DPP6: variants seen among roughly 807,000 people sequenced by gnomAD.
DPP6 encodes the protein dipeptidyl peptidase like 6.
A neutral mutation model predicts 122.6 loss-of-function variants in DPP6; 69 were observed. That is an observed-to-expected ratio of 0.56 (90% CI 0.46 to 0.69). The LOEUF (loss-of-function observed/expected upper bound fraction) is 0.69. Among genes scored for constraint, DPP6 ranks in the 30% least tolerant of loss-of-function variants. DPP6 has a pLI of 0.00. For missense variants in DPP6, 928 were observed against 1,116.9 expected (o/e 0.83, Z 2.41); for synonymous variants, 418 against 433.1 (o/e 0.97, Z 0.43).
chr7:154,439,563 C>A (rs1225643864), intron 1 of DPP6, among the ~76,000 whole-genome samples: 7 of 152,202 alleles, frequency 4.6e-5, no homozygotes, highest in Non-Finnish European at 2.9e-5. Flanking sequence ...ATAAAAGAAT[C>A]TATCAGACCC....
At chr7:154,378,850 A>T (rs1345213370) in intron 1 of DPP6, among the ~76,000 whole-genome samples, 2 of 152,176 alleles carry the variant, frequency 1.3e-5, no homozygotes, top group Non-Finnish European at 2.9e-5. Flanking sequence ...GGAGGCAGGA[A>T]AGAGAGCGAG....
intron 1 of DPP6, among the ~76,000 whole-genome samples, chr7:154,330,760 G>A (rs147695531): frequency 1.8e-4 from 27 of 152,316 alleles, no homozygotes; most frequent in Admixed American, 3.9e-4. Context: ...GCAAGAAGTC[G>A]CCTGCGGTGT....
chr7:153,853,446 A>T, the DPP6 span, among the ~76,000 whole-genome samples: 3 of 152,196 alleles, frequency 2.0e-5, no homozygotes, highest in African/African-American at 4.8e-5. Context: ...TACTCCCTTG[A>T]ACTAGAAACC....
intron 16 of DPP6, among the ~76,000 whole-genome samples, chr7:154,822,429 G>A (rs942205220): frequency 1.3e-5 from 2 of 152,126 alleles, no homozygotes; most frequent in South Asian, 4.2e-4. Flanking sequence ...CTATTCAGAG[G>A]CCTCCACCCT....
chr7:154,747,933 G>A lies in DPP6; in HGVS notation c.883+20046G>A, dbSNP rs185313397. On this transcript the variant is annotated intron_variant, in intron 8 of 25. Coordinates refer to ENST00000377770, the MANE Select transcript of DPP6 (RefSeq NM_130797.4). ...TGAGTGCTGTGGGTCCAGGCAGATT[G>A]GTTTATAGTCACTGAGATATGTTGA... Among the ~76,000 whole-genome samples the A allele has an allele frequency of 2.9e-4, 44 of 152,286 alleles. No individual in the cohort carries two copies. In the East Asian group the frequency reaches 3.7e-3, roughly 13 times the overall value.
intron 5 of DPP6, among the ~76,000 whole-genome samples, chr7:154,610,635 G>A (rs966357277): frequency 3.3e-5 from 5 of 151,084 alleles, no homozygotes; most frequent in Admixed American, 6.6e-5. Context: ...TAAATCAAAT[G>A]TTATATTGAA....
intron 7 of DPP6, among the ~76,000 whole-genome samples, chr7:154,714,916 C>A (rs1015386215): frequency 1.3e-5 from 2 of 152,118 alleles, no homozygotes; most frequent in African/African-American, 4.8e-5. Flanking sequence ...ATGAGTCTGG[C>A]AGAAAGAAAT....
chr7:154,321,302 A>G (rs536158556), intron 1 of DPP6, among the ~76,000 whole-genome samples: 15 of 151,866 alleles, frequency 9.9e-5, no homozygotes, highest in African/African-American at 3.6e-4. Flanking sequence ...AAAAAATGCT[A>G]TAATTTTACA....
chr7:154,401,227 AC>A (rs1815568483), intron 1 of DPP6, among the ~76,000 whole-genome samples: 1 of 151,944 alleles, frequency 6.6e-6, no homozygotes, highest in African/African-American at 2.4e-5. Flanking sequence ...CAAAAAAAAA[AC>A]AGGTATTACT....
At chr7:154,382,582 A>G (rs1433705919) in intron 1 of DPP6, among the ~76,000 whole-genome samples, 1 of 152,242 alleles carries the variant, frequency 6.6e-6, no homozygotes, top group Admixed American at 6.5e-5. Flanking sequence ...ACAAATGTTT[A>G]CTCTGTGCTG....
intron 7 of DPP6, among the ~76,000 whole-genome samples, chr7:154,696,336 G>C (rs1305974511): frequency 6.6e-6 from 1 of 152,182 alleles, no homozygotes; most frequent in Non-Finnish European, 1.5e-5. Context: ...AGGTTACACG[G>C]GACCCAGTGA....
intron 21 of DPP6, chr7:154,884,424 C>CA (rs1805898561): frequency 1.3e-5 from 2 of 151,216 alleles, no homozygotes; most frequent in Non-Finnish European, 1.5e-5. Context: ...TACACATGCT[C>CA]CCACATGCTC....
chr7:154,489,647 C>A (rs1824101711), intron 3 of DPP6, among the ~76,000 whole-genome samples: 1 of 152,070 alleles, frequency 6.6e-6, no homozygotes, highest in African/African-American at 2.4e-5. Context: ...TCTCTTGGGT[C>A]AGGATCTTCT....
At chr7:153,780,250 T>C in the DPP6 span, among the ~76,000 whole-genome samples, 5 of 152,170 alleles carry the variant, frequency 3.3e-5, no homozygotes, top group African/African-American at 1.2e-4. Context: ...TCTCATGATA[T>C]AACTCCTTCA....
At chr7:154,551,968 G>A (rs1383578575) in intron 4 of DPP6, among the ~76,000 whole-genome samples, 1 of 152,156 alleles carries the variant, frequency 6.6e-6, no homozygotes, top group African/African-American at 2.4e-5. Context: ...TTGGAAGTAA[G>A]TCTTCCATTC....
chr7:154,106,680 G>C (rs1334474928), intron 1 of DPP6, among the ~76,000 whole-genome samples: 1 of 151,974 alleles, frequency 6.6e-6, no homozygotes, highest in African/African-American at 2.4e-5. Context: ...GGCAGCAGCT[G>C]GTCTGGGAAT....
chr7:154,522,970 C>T (rs1395959849), intron 3 of DPP6, among the ~76,000 whole-genome samples: 1 of 152,188 alleles, frequency 6.6e-6, no homozygotes. Flanking sequence ...CAAAACCCAC[C>T]TCTGGGGCGG....
chr7:154,020,908 CAT>C (rs1798667407), intron 1 of DPP6, among the ~76,000 whole-genome samples: 1 of 152,146 alleles, frequency 6.6e-6, no homozygotes, highest in South Asian at 2.1e-4. Context: ...AATGGGTAGA[CAT>C]GTGACAAATC....
intron 3 of DPP6, among the ~76,000 whole-genome samples, chr7:154,503,939 G>A (rs1399898224): frequency 6.6e-6 from 1 of 152,102 alleles, no homozygotes; most frequent in African/African-American, 2.4e-5. Context: ...TCCTGCACAT[G>A]TACCCTGAAA....
Sources: allele counts gnomAD v4.1 joint callset (sites outside exome capture counted in the v4.1 genomes callset), GRCh38; gene constraint gnomAD v4.1.1; transcripts MANE v1.5; gene names NCBI Gene and HGNC (gene_info 2026-07-23, HGNC 2026-07-21).